Variants in PSPC1 observed in about 807,000 individuals in gnomAD.
PSPC1 encodes paraspeckle component 1.
PSPC1 carries 14 observed loss-of-function variants against 51.6 expected under a neutral mutation model. The observed-to-expected ratio is 0.27, with a 90% CI of 0.18 to 0.42. The LOEUF (loss-of-function observed/expected upper bound fraction) is 0.42, where lower values mean the gene tolerates loss of function less well. Ranked by LOEUF, PSPC1 falls within the 10% of genes least tolerant of loss-of-function variation. PSPC1 has a pLI of 1.00. For synonymous variants in PSPC1, 193 were observed against 231.9 expected, an observed-to-expected ratio of 0.83 and a Z score of 1.53; for missense variants, 406 against 701.1, an observed-to-expected ratio of 0.58 and a Z score of 4.75.
At position 19,780,697 on chromosome 13, in the gene PSPC1, T is replaced by G. The variant is rs1593801488; in HGVS notation, c.372+1689A>C. ...GCGGAAGGCCGCAGGGTCCTCTGCCTAGGAAAACCAGAGACCTTTGTTCAC... is the reference window on the plus strand; with the variant it reads ...GCGGAAGGCCGCAGGGTCCTCTGCCGAGGAAAACCAGAGACCTTTGTTCAC... On this transcript the variant is annotated intron_variant, in intron 1 of 8. Transcript: ENST00000338910. Among the ~76,000 whole-genome samples, 8 of 143,050 alleles carry G rather than the reference T, an allele frequency of 5.6e-5. No individual in the cohort carries two copies. The South Asian group carries it at 2.0e-3, about 35-fold the overall frequency. 93.8% of individuals were successfully genotyped at this position (143,050 alleles called of 152,430 possible).
chr13:19,731,720 T>G (rs1186500016), intron 5 of PSPC1, among the ~76,000 whole-genome samples: 1 of 152,168 alleles, frequency 6.6e-6, no homozygotes, highest in Admixed American at 6.5e-5. Flanking sequence ...CGGCTGGAAC[T>G]TCCTGATAGC....
intron 4 of PSPC1, among the ~76,000 whole-genome samples, chr13:19,747,970 G>A (rs1345222575): frequency 6.6e-6 from 1 of 152,166 alleles, no homozygotes; most frequent in Non-Finnish European, 1.5e-5. Flanking sequence ...TCCCAGCACT[G>A]TGGGAGGTCA....
intron 6 of PSPC1, among the ~76,000 whole-genome samples, chr13:19,684,532 C>G (rs992205167): frequency 6.6e-6 from 1 of 152,150 alleles, no homozygotes; most frequent in African/African-American, 2.4e-5. Context: ...ACACCACACA[C>G]GTAAAACCAT....
At chr13:19,718,011 C>T (rs539154855) in intron 6 of PSPC1, among the ~76,000 whole-genome samples, 1 of 152,160 alleles carries the variant, frequency 6.6e-6, no homozygotes, top group Non-Finnish European at 1.5e-5. Context: ...TCACTGCACT[C>T]CAGCCTGGGT....
At chr13:19,734,470 G>T (rs1450566532) in intron 5 of PSPC1, among the ~76,000 whole-genome samples, 3 of 152,134 alleles carry the variant, frequency 2.0e-5, no homozygotes, top group Non-Finnish European at 4.4e-5. Flanking sequence ...GCCCAAGACA[G>T]AAGAAGGGCT....
chr13:19,698,805 ATT>A (rs1879553421), downstream of PSPC1, among the ~76,000 whole-genome samples: 1 of 151,976 alleles, frequency 6.6e-6, no homozygotes, highest in East Asian at 1.9e-4. Context: ...CTTGAAAAAG[ATT>A]TTGTTTAATG....
rs541133655 is a variant in PSPC1 at position 19,683,766 on chromosome 13, A to T, written c.1159-5943T>A. Reference sequence around the variant, plus strand: ...TAAAAATAACACTGAAGTTTAGATAAATATTAAAGAAATATTAAACATTCC... The same window carrying T: ...TAAAAATAACACTGAAGTTTAGATATATATTAAAGAAATATTAAACATTCC... On this transcript the variant is annotated intron_variant and NMD_transcript_variant, in intron 6 of 7. Coordinates refer to the PSPC1 transcript ENST00000471658. Among the ~76,000 whole-genome samples the T allele has an allele frequency of 4.6e-5, 7 of 152,314 alleles. No individual in the cohort carries two copies. The South Asian group carries it at 1.5e-3, about 32-fold the overall frequency.
intron 1 of PSPC1, among the ~76,000 whole-genome samples, chr13:19,780,048 G>A (rs1436974682): frequency 3.7e-5 from 5 of 134,326 alleles, no homozygotes; most frequent in African/African-American, 8.2e-5. Context: ...CGCCCCGTCC[G>A]GGAGGTGAGG....
chr13:19,747,251 A>T (rs1271857068), intron 4 of PSPC1, among the ~76,000 whole-genome samples: 1 of 152,250 alleles, frequency 6.6e-6, no homozygotes, highest in East Asian at 1.9e-4. Context: ...CCCATATAAA[A>T]GAATATCATA....
At chr13:19,736,442 G>T (rs1414700879) in intron 5 of PSPC1, among the ~76,000 whole-genome samples, 1 of 152,062 alleles carries the variant, frequency 6.6e-6, no homozygotes, top group Non-Finnish European at 1.5e-5. Context: ...CCAGCACTTT[G>T]GGAGGCCGAG....
intron 6 of PSPC1, among the ~76,000 whole-genome samples, chr13:19,696,542 G>A (rs1052840651): frequency 4.6e-5 from 7 of 151,136 alleles, no homozygotes; most frequent in South Asian, 2.1e-4. Context: ...CATATCTGAC[G>A]CTACAAAGAA....
intron 1 of PSPC1, among the ~76,000 whole-genome samples, chr13:19,776,580 T>C (rs1426755737): frequency 6.6e-6 from 1 of 151,766 alleles, no homozygotes; most frequent in Non-Finnish European, 1.5e-5. Flanking sequence ...CTGCGCAATC[T>C]CACTGCAAGC....
In PSPC1 at chr13:19,751,261, C is replaced by A; in HGVS notation, c.967+10G>T. ...AATCATACCACATGTACATGAAAAT[C>A]CATATTTACCTTGCCTCATTAGCAT... On this transcript the variant is annotated intron_variant, in intron 4 of 8. Coordinates refer to ENST00000338910, the MANE Select transcript of PSPC1 (RefSeq NM_001354909.2). 2.6e-6 allele frequency: 4 copies of A among 1,511,316 alleles called. No individual in the cohort carries two copies. Among genetic ancestry groups the A allele is most frequent in the Non-Finnish European group, 3.5e-6 (4 of 1,133,752 alleles). The allele number at this position is 1,511,316 out of a possible 1,614,324, so 93.6% of individuals were successfully genotyped here.
downstream of PSPC1, chr13:19,671,927 C>A (rs758918300): frequency 6.4e-7 from 1 of 1,562,886 alleles, no homozygotes; most frequent in African/African-American, 1.4e-5. Context: ...CCTATACTCT[C>A]TTTGACAGCA....
chr13:19,730,292 G>C lies in PSPC1; in HGVS notation c.1105C>G (p.Gln369Glu), dbSNP rs771545940. Residue 369 changes from glutamine (Q) to glutamate (E), a missense_variant, in exon 6 of 9, where the codon CAG becomes GAG. Gln to Glu is a conservative substitution (Grantham distance 29). This residue lies in a region of PSPC1 where 61 missense variants were observed against 78.4 expected (regional missense o/e 0.78). Transcript: ENST00000338910. The part of the protein sequence containing the change: ...REEEMIRHRE[Q>E]EELRRQQEGF... ...TCTTGCTGTCGCCTCAGTTCCTCCT[G>C]TTCTCTGTGTCGGATCATTTCTTCC... The C allele has an allele frequency of 3.7e-6, 6 of 1,613,838 alleles. No individual in the cohort carries two copies. The highest frequency in any genetic ancestry group is 5.1e-6 in the Non-Finnish European group (6 of 1,179,994).
chr13:19,691,581 GAA>G (rs1320319521), intron 6 of PSPC1, among the ~76,000 whole-genome samples: 1 of 151,932 alleles, frequency 6.6e-6, no homozygotes, highest in Non-Finnish European at 1.5e-5. Flanking sequence ...TGACATGAAT[GAA>G]AAGACTTGAT....
intron 6 of PSPC1, among the ~76,000 whole-genome samples, chr13:19,680,189 ATTTT>A (rs1416275422): frequency 6.6e-6 from 1 of 151,974 alleles, no homozygotes; most frequent in African/African-American, 2.4e-5. Context: ...TAATTTTTGT[ATTTT>A]TAGTAGAGAT....
At chr13:19,727,114 C>A (rs946102754) in intron 6 of PSPC1, among the ~76,000 whole-genome samples, 1 of 152,214 alleles carries the variant, frequency 6.6e-6, no homozygotes, top group African/African-American at 2.4e-5. Context: ...AACTTCTCAG[C>A]TGGGTGTGGT....
At chr13:19,707,236 A>G (rs1182413347) in intron 7 of PSPC1, among the ~76,000 whole-genome samples, 1 of 152,108 alleles carries the variant, frequency 6.6e-6, no homozygotes, top group Admixed American at 6.6e-5. Context: ...GAATATAACT[A>G]TACAACTATG....
Sources: allele counts gnomAD v4.1 joint callset (sites outside exome capture counted in the v4.1 genomes callset), GRCh38; gene constraint gnomAD v4.1.1; regional missense constraint gnomAD v4.1.1; transcripts MANE v1.5; gene names NCBI Gene and HGNC (gene_info 2026-07-23, HGNC 2026-07-21).